PDE1C: variants seen among roughly 807,000 people sequenced by gnomAD.
The protein encoded by PDE1C is phosphodiesterase 1C.
In PDE1C, 62 loss-of-function variants were observed where a neutral mutation model predicts 93.1. The observed-to-expected ratio is 0.67, with a 90% CI of 0.54 to 0.82. PDE1C has a LOEUF of 0.82. Among genes scored for constraint, PDE1C ranks in the 40% least tolerant of loss-of-function variants. The pLI is 0.00. For synonymous variants in PDE1C, 325 were observed against 310.1 expected (o/e 1.05, Z -0.50); for missense variants, 742 against 884.6 (o/e 0.84, Z 2.04).
chr7:32,066,918 C>T (rs1795471920), intron 1 of PDE1C, among the ~76,000 whole-genome samples: 1 of 152,210 alleles, frequency 6.6e-6, no homozygotes, highest in South Asian at 2.1e-4. Flanking sequence ...TAAGAAAGCT[C>T]AGGTGTGCAG....
At chr7:32,243,385 C>T (rs34003200) in intron 1 of PDE1C, among the ~76,000 whole-genome samples, 15,977 of 152,086 alleles carry the variant, frequency 0.11, 901 homozygotes, top group East Asian at 0.13. Flanking sequence ...TGGGGTGATG[C>T]TTGTGAGAGG....
At chr7:32,092,181 G>GAGAGAGAGAC (rs1264859664) in intron 3 of PDE1C, among the ~76,000 whole-genome samples, 1 of 151,158 alleles carries the variant, frequency 6.6e-6, no homozygotes, top group Non-Finnish European at 1.5e-5. Context: ...GAGAGAGAGA[G>GAGAGAGAGAC]AGAGACTTAC....
chr7:32,027,593 A>AC lies in PDE1C; in HGVS notation c.128+23960dup, dbSNP rs1321106861. Among the ~76,000 whole-genome samples, 7 of 144,012 alleles carry AC rather than the reference A, an allele frequency of 4.9e-5. 1 individual carries two copies. The highest frequency in any genetic ancestry group is 1.5e-5 in the Non-Finnish European group (1 of 65,904). 94.5% of individuals were successfully genotyped at this position (144,012 alleles called of 152,430 possible). A position where few individuals can be genotyped will look rare whatever the true frequency, so the allele number is the denominator to read the frequency against. ...CTTTGCAAAGGCAGAAAAAAAAAAA[A>AC]CTATCAAAAATGGTAAAAAAAAAAA... On this transcript the variant is annotated intron_variant, in intron 2 of 17. Coordinates refer to ENST00000396191, the MANE Select transcript of PDE1C (RefSeq NM_001191057.4).
chr7:31,790,117 G>A, intron 16 of PDE1C: 6 of 1,555,598 alleles, frequency 3.9e-6, no homozygotes, highest in East Asian at 4.5e-5. Context: ...TGGGGGGCTT[G>A]TGTTTGAAAG....
At chr7:32,112,799 C>A (rs1032181345) in intron 3 of PDE1C, among the ~76,000 whole-genome samples, 1 of 90,840 alleles carries the variant, frequency 1.1e-5, no homozygotes, top group Non-Finnish European at 2.6e-5. Context: ...CATATATATA[C>A]ATATATGTGT....
intron 3 of PDE1C, among the ~76,000 whole-genome samples, chr7:32,105,865 G>T (rs568924496): frequency 6.6e-6 from 1 of 151,966 alleles, no homozygotes; most frequent in East Asian, 1.9e-4. Context: ...CAGTCCAAGA[G>T]AAAAGTCCAA....
intron 7 of PDE1C, among the ~76,000 whole-genome samples, chr7:31,861,881 G>A (rs1314644106): frequency 6.6e-6 from 1 of 152,118 alleles, no homozygotes; most frequent in East Asian, 1.9e-4. Flanking sequence ...ACTGCACTTA[G>A]GATAAAATTG....
At chr7:31,858,375 A>C (rs562733189) in intron 7 of PDE1C, among the ~76,000 whole-genome samples, 116 of 152,202 alleles carry the variant, frequency 7.6e-4, no homozygotes, top group African/African-American at 2.8e-3. Flanking sequence ...GCCTGACAAC[A>C]CTCAGGAGGG....
chr7:32,010,382 T>G (rs1786917208), intron 2 of PDE1C, among the ~76,000 whole-genome samples: 1 of 152,116 alleles, frequency 6.6e-6, no homozygotes, highest in Admixed American at 6.6e-5. Context: ...AAATAGCAAT[T>G]CAATGGAGAA....
intron 6 of PDE1C, among the ~76,000 whole-genome samples, chr7:31,871,078 C>T (rs1450149569): frequency 6.6e-6 from 1 of 151,732 alleles, no homozygotes; most frequent in Non-Finnish European, 1.5e-5. Flanking sequence ...AATAAATCCA[C>T]GTATTTGCAG....
At chr7:32,279,780 T>C (rs1811509184) in intron 1 of PDE1C, among the ~76,000 whole-genome samples, 1 of 151,990 alleles carries the variant, frequency 6.6e-6, no homozygotes, top group Non-Finnish European at 1.5e-5. Flanking sequence ...TTTGAAACTA[T>C]AAACTCGGGT....
Position 31,753,491 on chromosome 7 carries a change from A to C in PDE1C, c.2023T>G (p.Ser675Ala). 1 of 1,612,436 alleles carries C rather than the reference A, an allele frequency of 6.2e-7. No individual in the cohort carries two copies. Among genetic ancestry groups the C allele is most frequent in the Non-Finnish European group, 8.5e-7 (1 of 1,179,660 alleles). The change falls in exon 18 of 18, where the codon TCA (serine) becomes GCA (alanine). Residue 675 changes from serine to alanine, a missense_variant. Ser to Ala is a moderately conservative substitution (Grantham distance 99). This residue lies in a region of PDE1C where 454 missense variants were observed against 459.4 expected (regional missense o/e 0.99). Coordinates refer to ENST00000396191, the MANE Select transcript of PDE1C (RefSeq NM_001191057.4). ...TGCTCATCAGTTTTCTTTGAGACTGAAGGTGCATAGGAGCTAGATGCGTAA... is the reference window on the plus strand; with the variant it reads ...TGCTCATCAGTTTTCTTTGAGACTGCAGGTGCATAGGAGCTAGATGCGTAA... ...PAYASSSYAP[S>A]VSKKTDEHPA...
rs773186707 is a variant in PDE1C at position 32,276,760 on chromosome 7, G to A, written c.85+21891C>T. 1.4e-4 allele frequency among the ~76,000 whole-genome samples: 21 copies of A among 152,136 alleles called. 1 individual carries two copies. In the South Asian group the frequency reaches 1.5e-3, roughly 11 times the overall value. On this transcript the variant is annotated intron_variant, in intron 1 of 18. Transcript: ENST00000396193. Reference sequence around the variant, plus strand: ...CCTGTGAAGGTGTGACATAGCACCCGGTCCACAAGAACCACTCAATACATA... The same window carrying A: ...CCTGTGAAGGTGTGACATAGCACCCAGTCCACAAGAACCACTCAATACATA...
At chr7:31,864,332 G>A (rs1235997044) in intron 7 of PDE1C, among the ~76,000 whole-genome samples, 2 of 152,010 alleles carry the variant, frequency 1.3e-5, no homozygotes, top group Non-Finnish European at 2.9e-5. Flanking sequence ...CTCCAGCCTG[G>A]GTGATAGACT....
intron 14 of PDE1C, among the ~76,000 whole-genome samples, chr7:31,821,590 G>C (rs553812079): frequency 4.6e-5 from 7 of 152,046 alleles, no homozygotes. Flanking sequence ...CATTTGAATG[G>C]ACTAGGAGAG....
Position 31,880,823 on chromosome 7 carries a change from C to A in PDE1C, c.166G>T (p.Ala56Ser), listed in dbSNP as rs377324884. ...TTCTTCTTAAGATCTACCACTGAAG[C>A]TTCCCCTCTCTCTAATTGTTTGACC... Reference protein sequence around the residue: ...SLVKQLERGEASVVDLKKNLE... With the variant: ...SLVKQLERGESSVVDLKKNLE... Residue 56 changes from alanine (A) to serine (S), a missense_variant, in exon 3 of 18, where the codon GCT becomes TCT. Physicochemically the swap from Ala to Ser is moderately conservative, Grantham distance 99 (BLOSUM62 1). Transcript: ENST00000396191. 5 of 1,611,294 alleles carry A rather than the reference C, an allele frequency of 3.1e-6. No individual in the cohort carries two copies. The East Asian group carries it at 1.1e-4, about 36-fold the overall frequency.
At chr7:32,350,072 T>TTGC (rs1234467671) in intron 1 of PDE1C, among the ~76,000 whole-genome samples, 1 of 150,484 alleles carries the variant, frequency 6.6e-6, no homozygotes, top group African/African-American at 2.4e-5. Context: ...TTGTATTGTC[T>TTGC]TGCTGTTGTT....
At chr7:31,626,107 A>C in the PDE1C span, among the ~76,000 whole-genome samples, 1 of 152,216 alleles carries the variant, frequency 6.6e-6, no homozygotes, top group Admixed American at 6.5e-5. Context: ...TAAACTTGGC[A>C]AAAACATGTT....
chr7:31,886,580 G>C (rs73690318), intron 2 of PDE1C, among the ~76,000 whole-genome samples: 1 of 152,098 alleles, frequency 6.6e-6, no homozygotes, highest in African/African-American at 2.4e-5. Context: ...TACTGTAAGC[G>C]AAATGGCAGA....
Sources: allele counts gnomAD v4.1 joint callset (sites outside exome capture counted in the v4.1 genomes callset), GRCh38; gene constraint gnomAD v4.1.1; regional missense constraint gnomAD v4.1.1; transcripts MANE v1.5; gene names NCBI Gene and HGNC (gene_info 2026-07-23, HGNC 2026-07-21).